SHROOM3: variants seen among roughly 807,000 people sequenced by gnomAD.
SHROOM3 encodes the protein protein Shroom3.
In SHROOM3, 47 loss-of-function variants were observed where a neutral mutation model predicts 138.6. That is an observed-to-expected ratio of 0.34 (90% CI 0.27 to 0.43). The LOEUF (loss-of-function observed/expected upper bound fraction) is 0.43. Ranked by LOEUF, SHROOM3 falls within the 20% of genes least tolerant of loss-of-function variation. The probability of loss-of-function intolerance (pLI) is 1.00; values close to 1 mark genes in which losing one functional copy is unlikely to be tolerated. For missense variants in SHROOM3, 2,491 were observed against 2,596.5 expected (o/e 0.96, Z 0.88); for synonymous variants, 1,062 against 1,063.3 (o/e 1.00, Z 0.02).
intron 3 of SHROOM3, among the ~76,000 whole-genome samples, chr4:76,729,452 G>C (rs1258731278): frequency 6.6e-6 from 1 of 151,904 alleles, no homozygotes; most frequent in Non-Finnish European, 1.5e-5. Context: ...TGTTTCCCTT[G>C]CTTCACACAA....
chr4:76,493,213 A>C (rs1731892486), intron 1 of SHROOM3, among the ~76,000 whole-genome samples: 1 of 142,484 alleles, frequency 7.0e-6, no homozygotes, highest in Non-Finnish European at 1.5e-5. Flanking sequence ...AACAGGAGTG[A>C]AACTCCATCT....
chr4:76,527,460 G>A (rs1402868166), intron 1 of SHROOM3, among the ~76,000 whole-genome samples: 4 of 152,188 alleles, frequency 2.6e-5, no homozygotes, highest in Non-Finnish European at 5.9e-5. Context: ...GCGCATGCCT[G>A]TAATCCCAGC....
intron 1 of SHROOM3, among the ~76,000 whole-genome samples, chr4:76,447,586 G>A (rs1266486000): frequency 6.6e-6 from 1 of 152,174 alleles, no homozygotes; most frequent in Non-Finnish European, 1.5e-5. Context: ...TTTTGAGAAT[G>A]AGAAGGCAGA....
At chr4:76,773,894 T>G (rs1042931905) in intron 10 of SHROOM3, among the ~76,000 whole-genome samples, 40 of 152,238 alleles carry the variant, frequency 2.6e-4, no homozygotes, top group African/African-American at 9.4e-4. Flanking sequence ...CTTACCACAG[T>G]CATACACTAG....
chr4:76,556,369 C>T lies in SHROOM3; in HGVS notation c.323+606C>T, dbSNP rs560423075. ...ATGGGAATTGAATTATTTTTTTGAT[C>T]TCTATTAGTAAGCACTGCTTGAGAC... On this transcript the variant is annotated intron_variant, in intron 2 of 10. Coordinates refer to ENST00000296043, the MANE Select transcript of SHROOM3 (RefSeq NM_020859.4). Among the ~76,000 whole-genome samples the T allele has an allele frequency of 2.0e-5, 3 of 152,256 alleles. No homozygotes were observed. In the South Asian group the frequency reaches 6.2e-4, roughly 32 times the overall value.
At chr4:76,730,534 A>T (rs1378924038) in intron 3 of SHROOM3, among the ~76,000 whole-genome samples, 3 of 152,256 alleles carry the variant, frequency 2.0e-5, no homozygotes, top group Non-Finnish European at 4.4e-5. Context: ...GGCGAAGTTT[A>T]TGTGAGAATT....
At chr4:76,633,656 C>CAAAAAA (rs869138315) in intron 2 of SHROOM3, among the ~76,000 whole-genome samples, 23 of 88,688 alleles carry the variant, frequency 2.6e-4, no homozygotes, top group South Asian at 8.2e-4. Flanking sequence ...GACTCCGTCT[C>CAAAAAA]AAAAAAAAAA....
chr4:76,667,596 G>A (rs1008963907), intron 2 of SHROOM3, among the ~76,000 whole-genome samples: 14 of 152,026 alleles, frequency 9.2e-5, no homozygotes, highest in African/African-American at 3.4e-4. Flanking sequence ...TTACAGGCAT[G>A]AGCCATCATG....
chr4:76,669,233 C>A (rs1283590307), intron 2 of SHROOM3, among the ~76,000 whole-genome samples: 1 of 152,132 alleles, frequency 6.6e-6, no homozygotes, highest in Non-Finnish European at 1.5e-5. Context: ...CCTTGTTAAA[C>A]CAAGGACGGT....
At chr4:76,491,747 C>T (rs72657897) in intron 1 of SHROOM3, among the ~76,000 whole-genome samples, 5,207 of 152,260 alleles carry the variant, frequency 0.034, 101 homozygotes, top group Middle Eastern at 0.071. Flanking sequence ...ACCCCCCAAC[C>T]CTGGTCAAGC....
At chr4:76,673,658 G>A (rs1718949138) in intron 2 of SHROOM3, among the ~76,000 whole-genome samples, 1 of 152,024 alleles carries the variant, frequency 6.6e-6, no homozygotes, top group Non-Finnish European at 1.5e-5. Context: ...GTTCTTTACT[G>A]TGTTTTTGTT....
intron 2 of SHROOM3, among the ~76,000 whole-genome samples, chr4:76,669,538 C>T (rs551312276): frequency 7.3e-5 from 11 of 151,232 alleles, no homozygotes; most frequent in Middle Eastern, 3.4e-3. Flanking sequence ...CACTTGAACC[C>T]GGGAGGTAGA....
intron 2 of SHROOM3, among the ~76,000 whole-genome samples, chr4:76,640,672 T>A (rs1577943876): frequency 6.6e-6 from 1 of 152,226 alleles, no homozygotes. Flanking sequence ...GCTCTGTCTC[T>A]GAGCTGGTTG....
intron 1 of SHROOM3, among the ~76,000 whole-genome samples, chr4:76,484,890 C>T (rs958106519): frequency 3.3e-5 from 5 of 152,154 alleles, no homozygotes; most frequent in Admixed American, 2.6e-4. Context: ...TGCTGCCCAG[C>T]CAAACCTGTC....
chr4:76,517,907 G>A (rs1417839869), intron 1 of SHROOM3, among the ~76,000 whole-genome samples: 5 of 152,130 alleles, frequency 3.3e-5, no homozygotes, highest in African/African-American at 9.7e-5. Flanking sequence ...GGGATATTGC[G>A]GCTGCAGCAG....
intron 9 of SHROOM3, among the ~76,000 whole-genome samples, chr4:76,763,811 T>C (rs1722064316): frequency 6.6e-6 from 1 of 152,216 alleles, no homozygotes; most frequent in African/African-American, 2.4e-5. Context: ...TACATTTACA[T>C]ATCTGATTTG....
chr4:76,697,397 A>G (rs1310775749), intron 2 of SHROOM3, among the ~76,000 whole-genome samples: 2 of 152,152 alleles, frequency 1.3e-5, no homozygotes, highest in African/African-American at 4.8e-5. Context: ...AGTAGAAAGC[A>G]CCAAAAATCA....
At chr4:76,541,623 G>GCACACACACACACACACACA (rs751594734) in intron 1 of SHROOM3, among the ~76,000 whole-genome samples, 4 of 140,042 alleles carry the variant, frequency 2.9e-5, no homozygotes, top group African/African-American at 1.0e-4. Flanking sequence ...ACATATGTGG[G>GCACACACACACACACACACA]CGCACACACA....
At position 76,474,926 on chromosome 4, in the gene SHROOM3, C is replaced by CA. The variant is rs1198507418; in HGVS notation, c.168+38719dup. 6.1e-3 allele frequency among the ~76,000 whole-genome samples: 842 copies of CA among 137,986 alleles called. 6 individuals are homozygous for CA. The highest frequency in any genetic ancestry group is 0.016 in the African/African-American group (586 of 37,430). 90.5% of individuals were successfully genotyped at this position (137,986 alleles called of 152,430 possible). ...TGGGTGACAGAGTGAGACTCTGGCT[C>CA]AAAAAAAAAAAAATTTTTTTTTTGA... On this transcript the variant is annotated intron_variant, in intron 1 of 10. Transcript: ENST00000296043.
Sources: allele counts gnomAD v4.1 joint callset (sites outside exome capture counted in the v4.1 genomes callset), GRCh38; gene constraint gnomAD v4.1.1; transcripts MANE v1.5; gene names NCBI Gene and HGNC (gene_info 2026-07-23, HGNC 2026-07-21).